PKHD1: variants seen among roughly 807,000 people sequenced by gnomAD.
PKHD1 encodes the protein PKHD1 ciliary IPT domain containing fibrocystin/polyductin.
A neutral mutation model predicts 412.0 loss-of-function variants in PKHD1; 291 were observed. The ratio of observed to expected loss-of-function variants is 0.71; its 90% CI spans 0.64 to 0.78. The LOEUF (loss-of-function observed/expected upper bound fraction) is 0.78, where lower values mean the gene tolerates loss of function less well. Among genes scored for constraint, PKHD1 ranks in the 30% least tolerant of loss-of-function variants. The pLI is 0.00. For missense variants in PKHD1, 4,825 were observed against 4,950.7 expected, an observed-to-expected ratio of 0.97 and a Z score of 0.76; for synonymous variants, 1,777 against 1,821.5, an observed-to-expected ratio of 0.98 and a Z score of 0.62.
chr6:51,692,082 C>T (rs1778224223), intron 60 of PKHD1, among the ~76,000 whole-genome samples: 1 of 152,134 alleles, frequency 6.6e-6, no homozygotes, highest in African/African-American at 2.4e-5. Flanking sequence ...CTAACAGCAA[C>T]TCCTTTCTTC....
chr6:51,896,394 A>G (rs1317032500), intron 43 of PKHD1, among the ~76,000 whole-genome samples: 215 of 152,098 alleles, frequency 1.4e-3, no homozygotes, highest in African/African-American at 4.3e-3. Flanking sequence ...GCACCCCCCA[A>G]CAGGGGCACA....
At chr6:51,833,437 G>A (rs771570733) in intron 51 of PKHD1, among the ~76,000 whole-genome samples, 4 of 152,152 alleles carry the variant, frequency 2.6e-5, no homozygotes, top group Non-Finnish European at 5.9e-5. Flanking sequence ...TCCTGTCAGA[G>A]TTATCAGATT....
rs1177440026 is a variant in PKHD1, at chr6:52,026,071, T to G, written c.3739A>C (p.Ile1247Leu). Reference sequence around the variant, plus strand: ...GGGGCTGGCAGGGTTTCACACCAGATGCTCGCCTCCGTTAAGTTCACAATG... The same window carrying G: ...GGGGCTGGCAGGGTTTCACACCAGAGGCTCGCCTCCGTTAAGTTCACAATG... ...CDIVNLTEAS[I>L]WCETLPAPQI... Residue 1247 changes from isoleucine (I) to leucine (L), a missense_variant, in exon 32 of 67, where the codon ATC becomes CTC. Ile to Leu is a conservative substitution (Grantham distance 5, BLOSUM62 2). Transcript: ENST00000371117. 1 of 1,614,156 alleles carries G rather than the reference T, an allele frequency of 6.2e-7. No homozygotes were observed. The highest frequency in any genetic ancestry group is 8.5e-7 in the Non-Finnish European group (1 of 1,180,030).
chr6:51,719,844 T>A (rs1582265650), intron 60 of PKHD1, among the ~76,000 whole-genome samples: 1 of 152,138 alleles, frequency 6.6e-6, no homozygotes, highest in African/African-American at 2.4e-5. Flanking sequence ...TTTATTCACA[T>A]TTTTTTAGCC....
chr6:51,955,354 G>A lies in PKHD1; in HGVS notation c.5908+4516C>T, dbSNP rs554440681. On this transcript the variant is annotated intron_variant, in intron 36 of 66. Transcript: ENST00000371117. Reference sequence around the variant, plus strand: ...AAAAGAATCTGCTACTTTTTAAGTTGGGAGTCAGTACATATAGCATCATAA... The same window carrying A: ...AAAAGAATCTGCTACTTTTTAAGTTAGGAGTCAGTACATATAGCATCATAA... 5.8e-4 allele frequency among the ~76,000 whole-genome samples: 88 copies of A among 152,096 alleles called. 1 individual carries two copies. The highest frequency in any genetic ancestry group is 2.0e-3 in the African/African-American group (85 of 41,542).
In PKHD1 at chr6:51,819,627, G is replaced by A. The variant is rs1414134348; in HGVS notation, c.8302+11234C>T. On this transcript the variant is annotated intron_variant, in intron 52 of 66. Coordinates refer to ENST00000371117, the MANE Select transcript of PKHD1 (RefSeq NM_138694.4). ...CCCAGCTAGGCAGTATGTTCCAGGTGGGTCTCAGAACTATTTTGCTCATCA... is the reference window on the plus strand; with the variant it reads ...CCCAGCTAGGCAGTATGTTCCAGGTAGGTCTCAGAACTATTTTGCTCATCA... Among the ~76,000 whole-genome samples the A allele has an allele frequency of 3.3e-5, 5 of 152,090 alleles. No homozygotes were observed. The East Asian group carries it at 9.6e-4, about 29-fold the overall frequency.
chr6:51,936,923 T>C (rs1561927723), intron 36 of PKHD1, among the ~76,000 whole-genome samples: 1 of 152,234 alleles, frequency 6.6e-6, no homozygotes, highest in African/African-American at 2.4e-5. Context: ...CTGTCTCTTG[T>C]GGGGAAAATC....
At chr6:51,760,406 C>G (rs1239161841) in intron 55 of PKHD1, among the ~76,000 whole-genome samples, 2 of 152,096 alleles carry the variant, frequency 1.3e-5, no homozygotes, top group Non-Finnish European at 2.9e-5. Flanking sequence ...TGTTAAACAT[C>G]TTAGTGTTAT....
intron 52 of PKHD1, among the ~76,000 whole-genome samples, chr6:51,798,575 T>G (rs1306864826): frequency 6.6e-6 from 1 of 152,124 alleles, no homozygotes; most frequent in Non-Finnish European, 1.5e-5. Context: ...CATTTTGACC[T>G]TGGAGAATTT....
Position 52,026,196 on chromosome 6 carries a change from C to T in PKHD1, c.3629-15G>A, listed in dbSNP as rs375870003. 3.4e-5 allele frequency: 55 copies of T among 1,611,762 alleles called. No homozygotes were observed. The Admixed American group carries it at 6.2e-4, about 18-fold the overall frequency. ...GATGGTCCCTCCTAAAGTATGAATA[C>T]GGAAAGCAAAATATTATAGCTGATA... On this transcript the variant is annotated splice_polypyrimidine_tract_variant and intron_variant, in intron 31 of 66. Transcript: ENST00000371117.
intron 52 of PKHD1, among the ~76,000 whole-genome samples, chr6:51,806,227 A>T (rs112672352): frequency 1.6e-4 from 25 of 151,918 alleles, no homozygotes; most frequent in Non-Finnish European, 3.7e-4. Context: ...GTATAATAAA[A>T]AAAAAAGAGG....
chr6:52,071,117 C>T (rs762629754), intron 8 of PKHD1, 47 bp from the exon 9 acceptor site: 1 of 1,243,502 alleles, frequency 8.0e-7, no homozygotes, highest in Non-Finnish European at 1.2e-6. Flanking sequence ...CAACTCACTA[C>T]CAGAAGATCT....
intron 55 of PKHD1, among the ~76,000 whole-genome samples, chr6:51,767,286 T>G (rs1375749676): frequency 6.6e-6 from 1 of 152,114 alleles, no homozygotes; most frequent in South Asian, 2.1e-4. Flanking sequence ...TAGTTACATT[T>G]GATTTATCAT....
At chr6:51,625,848 G>A (rs1215389876) in intron 66 of PKHD1, among the ~76,000 whole-genome samples, 1 of 152,048 alleles carries the variant, frequency 6.6e-6, no homozygotes, top group Non-Finnish European at 1.5e-5. Context: ...ATGGTCAAGA[G>A]GCTTCTAAAA....
At chr6:51,775,463 C>T (rs1790863742) in intron 54 of PKHD1, among the ~76,000 whole-genome samples, 1 of 151,836 alleles carries the variant, frequency 6.6e-6, no homozygotes, top group East Asian at 1.9e-4. Context: ...ATAGATCTAT[C>T]AGTTGTATAA....
intron 16 of PKHD1, 115 bp downstream of exon 16, chr6:52,058,208 G>T: frequency 1.1e-6 from 1 of 916,884 alleles, no homozygotes; most frequent in Non-Finnish European, 1.8e-6. Context: ...CTATTTCTTT[G>T]ACAGCAAGGT....
At chr6:51,891,149 T>C (rs1779047830) in intron 43 of PKHD1, among the ~76,000 whole-genome samples, 1 of 152,240 alleles carries the variant, frequency 6.6e-6, no homozygotes, top group Non-Finnish European at 1.5e-5. Flanking sequence ...ATTCTCCATT[T>C]CTTTATCCTT....
At chr6:51,720,870 T>C (rs1210414824) in intron 60 of PKHD1, 1 of 437,226 alleles carries the variant, frequency 2.3e-6, no homozygotes, top group Non-Finnish European at 3.0e-6. Flanking sequence ...ACATACAGCA[T>C]TTATTACAAT....
intron 55 of PKHD1, among the ~76,000 whole-genome samples, chr6:51,758,511 T>C (rs1401537474): frequency 1.3e-5 from 2 of 152,212 alleles, no homozygotes; most frequent in Non-Finnish European, 2.9e-5. Flanking sequence ...CTGTATTCTC[T>C]GTATTTTATT....
Sources: gnomAD v4.1 joint callset for allele counts (sites outside exome capture counted in the v4.1 genomes callset) on GRCh38, gnomAD v4.1.1 for gene constraint, MANE v1.5 for transcripts, NCBI Gene and HGNC (gene_info 2026-07-23, HGNC 2026-07-21) for gene names.